The following QSOX2 variants were observed in gnomAD, a reference collection of about 807,000 sequenced individuals.
QSOX2 encodes the protein sulfhydryl oxidase 2.
QSOX2 carries 46 observed loss-of-function variants against 61.7 expected under a neutral mutation model. The observed-to-expected ratio is 0.75, with a 90% CI of 0.59 to 0.95. The LOEUF is 0.95. Ranked by LOEUF, QSOX2 falls within the 40% of genes least tolerant of loss-of-function variation. QSOX2 has a pLI of 0.00. For missense variants in QSOX2, 879 were observed against 918.9 expected, an observed-to-expected ratio of 0.96 and a Z score of 0.56; for synonymous variants, 383 against 388.4, an observed-to-expected ratio of 0.99 and a Z score of 0.16.
At chr9:136,230,534 A>C (rs1830320611) in intron 1 of QSOX2, among the ~76,000 whole-genome samples, 1 of 152,104 alleles carries the variant, frequency 6.6e-6, no homozygotes, top group Non-Finnish European at 1.5e-5. Flanking sequence ...GCTGCCCAAA[A>C]ACACATGAGC....
At chr9:136,231,274 C>T (rs1187793736) in intron 1 of QSOX2, among the ~76,000 whole-genome samples, 1 of 151,860 alleles carries the variant, frequency 6.6e-6, no homozygotes, top group Non-Finnish European at 1.5e-5. Context: ...TAGCGTGTGA[C>T]CAGAATACGC....
Position 136,223,695 on chromosome 9 carries a change from C to G in QSOX2, c.675+68G>C. 1 of 1,252,330 alleles carries G rather than the reference C, an allele frequency of 8.0e-7. No homozygotes were observed. Among genetic ancestry groups the G allele is most frequent in the Non-Finnish European group, 1.2e-6 (1 of 864,790 alleles). 77.6% of individuals were successfully genotyped at this position (1,252,330 alleles called of 1,614,324 possible). On this transcript the variant is annotated intron_variant, in intron 5 of 11. Coordinates refer to ENST00000358701, the MANE Select transcript of QSOX2 (RefSeq NM_181701.4). The surrounding 1 kb of genome is among the most constrained non-coding windows in gnomAD (Gnocchi z 4.4). ...CACAGTGACCGGCACCTGCAAATCT[C>G]ATCACAGATCCACCGCCAACCCCAA... is the stretch of plus-strand genomic sequence containing the variant.
intron 1 of QSOX2, among the ~76,000 whole-genome samples, chr9:136,229,704 G>C (rs1166982314): frequency 6.6e-6 from 1 of 152,150 alleles, no homozygotes; most frequent in African/African-American, 2.4e-5. Context: ...TTCACGGTGG[G>C]ATCTGGTCCC....
Position 136,223,082 on chromosome 9 carries a change from G to C in QSOX2, c.675+681C>G, listed in dbSNP as rs1314864244. ...TGCGTCTCCAAAAGCCCTCGCAGGG[G>C]CAAAGCTGTTTCCTACATTCACCGC... is the stretch of plus-strand genomic sequence containing the variant. On this transcript the variant is annotated intron_variant, in intron 5 of 11. Coordinates refer to ENST00000358701, the MANE Select transcript of QSOX2 (RefSeq NM_181701.4). This position sits in a 1 kb window ranked among gnomAD's most constrained non-coding sequence, Gnocchi z 4.4. 1.3e-5 allele frequency among the ~76,000 whole-genome samples: 2 copies of C among 152,226 alleles called. No homozygotes were observed. The highest frequency in any genetic ancestry group is 4.8e-5 in the African/African-American group (2 of 41,456).
rs1426826640 is a variant in QSOX2, at chr9:136,209,230, G to A, written c.1595C>T (p.Thr532Ile). 3.7e-6 allele frequency: 6 copies of A among 1,613,888 alleles called. No individual in the cohort carries two copies. The South Asian group carries it at 6.6e-5, about 18-fold the overall frequency. ...DPRFPKLQWP[T>I]PDLCPACHEE... ...ATGGCAGGCTGGGCAGAGGTCCGGA[G>A]TGGGCCACTGAAGCTTTGGAAACCG... The change falls in exon 12 of 12, where the codon ACT becomes ATT. Residue 532 changes from threonine (T) to isoleucine (I), a missense_variant. By Grantham distance (89) the Thr-to-Ile change is moderately conservative (BLOSUM62 -1). Coordinates refer to ENST00000358701, the MANE Select transcript of QSOX2 (RefSeq NM_181701.4). This position sits in a 1 kb window ranked among gnomAD's most constrained non-coding sequence, Gnocchi z 5.6.
chr9:136,222,778 G>A lies in QSOX2; in HGVS notation c.676-837C>T, dbSNP rs148403821. ...CCGGCACCAAGACGGTCCCACACCCGCCTCTTCTCAGGGGAACACCTGCCT... is the reference window on the plus strand; with the variant it reads ...CCGGCACCAAGACGGTCCCACACCCACCTCTTCTCAGGGGAACACCTGCCT... On this transcript the variant is annotated intron_variant, in intron 5 of 11. Coordinates refer to ENST00000358701, the MANE Select transcript of QSOX2 (RefSeq NM_181701.4). The surrounding 1 kb of genome is among the most constrained non-coding windows in gnomAD (Gnocchi z 6.9). Among the ~76,000 whole-genome samples, 1,704 of 152,266 alleles carry A rather than the reference G, an allele frequency of 0.011. 31 individuals are homozygous for A. The highest frequency in any genetic ancestry group is 0.038 in the African/African-American group (1,585 of 41,534).
chr9:136,228,474 A>G (rs1000499201), intron 1 of QSOX2, among the ~76,000 whole-genome samples: 13 of 152,248 alleles, frequency 8.5e-5, no homozygotes, highest in African/African-American at 2.7e-4. Context: ...TGCACTGCCA[A>G]CAATTCACAA....
intron 1 of QSOX2, among the ~76,000 whole-genome samples, chr9:136,240,258 T>G (rs757262284): frequency 6.6e-6 from 1 of 152,242 alleles, no homozygotes; most frequent in Non-Finnish European, 1.5e-5. Context: ...CTATATATAG[T>G]AGATTAACAT....
Position 136,208,168 on chromosome 9 carries a change from T to TG in QSOX2, c.*559dup, listed in dbSNP as rs1041455913. The TG allele has an allele frequency of 6.7e-6, 1 of 148,668 alleles. No individual in the cohort carries two copies. The highest frequency in any genetic ancestry group is 1.5e-5 in the Non-Finnish European group (1 of 67,434). 9.2% of individuals were successfully genotyped at this position (148,668 alleles called of 1,614,324 possible). A position where few individuals can be genotyped will look rare whatever the true frequency, so the allele number is the denominator to read the frequency against. ...CAGGATAGTCCCTGGAGCACTTGCT[T>TG]GGAGGGGCTGCAGAGGCCGACTGCG... On this transcript the variant is annotated 3_prime_UTR_variant, in exon 12 of 12. Transcript: ENST00000358701.
Position 136,221,765 on chromosome 9 carries a change from C to T in QSOX2, c.821+31G>A, listed in dbSNP as rs374897885. ...CTCTGTCCGGTAACTCCGAGCGGCA[C>T]GGAGTTCCCAGACCCCACCCGGGCA... is the stretch of plus-strand genomic sequence containing the variant. On this transcript the variant is annotated intron_variant, in intron 6 of 11. Coordinates refer to ENST00000358701, the MANE Select transcript of QSOX2 (RefSeq NM_181701.4). The surrounding 1 kb of genome is among the most constrained non-coding windows in gnomAD (Gnocchi z 4.5). The T allele has an allele frequency of 7.0e-6, 11 of 1,563,572 alleles. No homozygotes were observed. The highest frequency in any genetic ancestry group is 4.1e-5 in the African/African-American group (3 of 73,580).
intron 1 of QSOX2, among the ~76,000 whole-genome samples, chr9:136,245,163 CT>C (rs1244083991): frequency 6.6e-6 from 1 of 152,150 alleles, no homozygotes; most frequent in East Asian, 1.9e-4. Context: ...TACGGGAGGG[CT>C]TCCCTATCCC....
At position 136,222,071 on chromosome 9, in the gene QSOX2, A is replaced by G; in HGVS notation, c.676-130T>C. Reference sequence around the variant, plus strand: ...TGAAGTCTGTCCCCCTGCAGGCAAGACCCTCACTCAAATCTTCACTCTCAT... The same window carrying G: ...TGAAGTCTGTCCCCCTGCAGGCAAGGCCCTCACTCAAATCTTCACTCTCAT... On this transcript the variant is annotated intron_variant, in intron 5 of 11. Coordinates refer to ENST00000358701, the MANE Select transcript of QSOX2 (RefSeq NM_181701.4). This position sits in a 1 kb window ranked among gnomAD's most constrained non-coding sequence, Gnocchi z 6.9. The G allele has an allele frequency of 1.1e-6, 1 of 898,050 alleles. No individual in the cohort carries two copies. Among genetic ancestry groups the G allele is most frequent in the Non-Finnish European group, 1.6e-6 (1 of 638,844 alleles). The allele number at this position is 898,050 out of a possible 1,614,324, so 55.6% of individuals were successfully genotyped here.
intron 8 of QSOX2, among the ~76,000 whole-genome samples, chr9:136,217,509 A>C (rs1210076406): frequency 6.6e-6 from 1 of 152,270 alleles, no homozygotes; most frequent in Non-Finnish European, 1.5e-5. Flanking sequence ...TCTCCCGTGC[A>C]GGTTAAAAAG....
chr9:136,226,455 G>A (rs929749736), intron 2 of QSOX2, among the ~76,000 whole-genome samples: 1 of 152,146 alleles, frequency 6.6e-6, no homozygotes, highest in African/African-American at 2.4e-5. Flanking sequence ...GCCAGCCCTC[G>A]CAGTCCTGGT....
chr9:136,219,192 G>C (rs755074019), intron 6 of QSOX2, 28 bp from the exon 7 acceptor site: 2 of 1,602,554 alleles, frequency 1.2e-6, no homozygotes, highest in Non-Finnish European at 1.7e-6. Context: ...GCAAAGGTGA[G>C]AAGAGCCTCC....
At chr9:136,233,807 CACTCGAG>C (rs1564296582) in intron 1 of QSOX2, among the ~76,000 whole-genome samples, 1 of 152,262 alleles carries the variant, frequency 6.6e-6, no homozygotes, top group Non-Finnish European at 1.5e-5. Flanking sequence ...GGACTCTCAA[CACTCGAG>C]ACGGTTTTTG....
chr9:136,226,727 G>A, intron 2 of QSOX2, 47 bp downstream of exon 2: 6 of 1,452,764 alleles, frequency 4.1e-6, no homozygotes, highest in Non-Finnish European at 5.8e-6. Context: ...CCTGGAAGGT[G>A]GGGTAGAAGG....
rs1831943020 is a variant in QSOX2, at chr9:136,218,668, C to T, written c.1086+11G>A. On this transcript the variant is annotated intron_variant, in intron 8 of 11. Transcript: ENST00000358701. ...TTCCCACATGCAGCCCAGACCAGCA[C>T]CGTCCCAAACCTTGGCCAAGACAGT... 6.2e-7 allele frequency: 1 copy of T among 1,612,396 alleles called. No individual in the cohort carries two copies. Among genetic ancestry groups the T allele is most frequent in the Admixed American group, 1.7e-5 (1 of 59,932 alleles).
At chr9:136,218,333 C>G (rs375400674) in intron 8 of QSOX2, among the ~76,000 whole-genome samples, 1 of 152,182 alleles carries the variant, frequency 6.6e-6, no homozygotes, top group Non-Finnish European at 1.5e-5. Context: ...CCCCAGCCCC[C>G]GTGCAGCGCT....
Sources: allele counts gnomAD v4.1 joint callset (sites outside exome capture counted in the v4.1 genomes callset), GRCh38; gene constraint gnomAD v4.1.1; non-coding constraint Gnocchi (gnomAD v3.1); transcripts MANE v1.5; gene names NCBI Gene and HGNC (gene_info 2026-07-23, HGNC 2026-07-21).